BOC: variants seen among roughly 807,000 people sequenced by gnomAD.
The protein encoded by BOC is BOC cell adhesion associated, oncogene regulated.
BOC carries 76 observed loss-of-function variants against 112.0 expected under a neutral mutation model. The observed-to-expected ratio is 0.68, with a 90% CI of 0.56 to 0.82. The LOEUF is 0.82. BOC is among the 40% of genes least tolerant of loss of function. BOC has a pLI of 0.00. For missense variants in BOC, 1,309 were observed against 1,511.7 expected, an observed-to-expected ratio of 0.87 and a Z score of 2.22; for synonymous variants, 580 against 599.8, an observed-to-expected ratio of 0.97 and a Z score of 0.48.
intron 2 of BOC, among the ~76,000 whole-genome samples, chr3:113,231,010 G>A (rs1559813910): frequency 2.0e-5 from 3 of 152,166 alleles, no homozygotes; most frequent in Non-Finnish European, 4.4e-5. Flanking sequence ...TGGAATTAGG[G>A]GAAGTGTTCT....
At chr3:113,272,375 C>CA in intron 6 of BOC, 35 bp from the exon 7 acceptor site, 1 of 1,601,584 alleles carries the variant, frequency 6.2e-7, no homozygotes, top group Non-Finnish European at 8.5e-7. Context: ...TCCTGGTCCA[C>CA]ACGCCTTCTG....
chr3:113,253,983 A>C (rs1945935503), intron 4 of BOC, among the ~76,000 whole-genome samples: 1 of 152,198 alleles, frequency 6.6e-6, no homozygotes, highest in African/African-American at 2.4e-5. Context: ...TTGTTTGGGA[A>C]AGGGAGAGTT....
chr3:113,279,194 C>T lies in BOC; in HGVS notation c.1817-55C>T, dbSNP rs541757137. On this transcript the variant is annotated intron_variant, in intron 11 of 19. Transcript: ENST00000682979. The stretch of plus-strand genomic sequence containing the variant: ...ATACAGCGTCATCTCACCCTGCTTC[C>T]TTCCTCACGTCATCTCACCCTGCTT... 1.1e-5 allele frequency: 17 copies of T among 1,568,840 alleles called. No homozygotes were observed. The African/African-American group carries it at 2.0e-4, about 19-fold the overall frequency.
At chr3:113,275,343 C>T (rs1948550482) in intron 9 of BOC, among the ~76,000 whole-genome samples, 1 of 152,192 alleles carries the variant, frequency 6.6e-6, no homozygotes, top group South Asian at 2.1e-4. Flanking sequence ...GTCTCGGGCT[C>T]TGACAGGATG....
At chr3:113,232,073 A>G (rs1369799833) in intron 2 of BOC, among the ~76,000 whole-genome samples, 1 of 152,016 alleles carries the variant, frequency 6.6e-6, no homozygotes, top group Non-Finnish European at 1.5e-5. Flanking sequence ...CAACTGGTGG[A>G]GCCTAAGAGC....
At chr3:113,254,806 C>T (rs1247816456) in intron 4 of BOC, among the ~76,000 whole-genome samples, 1 of 152,194 alleles carries the variant, frequency 6.6e-6, no homozygotes, top group Non-Finnish European at 1.5e-5. Context: ...GGTCATGGGG[C>T]TTAGGACCAG....
Position 113,249,716 on chromosome 3 carries a change from C to T in BOC, c.-81-6C>T. On this transcript the variant is annotated splice_polypyrimidine_tract_variant and splice_region_variant and intron_variant, in intron 2 of 19. Coordinates refer to ENST00000682979, the MANE Select transcript of BOC (RefSeq NM_001378074.1). ...GCCATTGCTCTCCCTTTCTCTCTTA[C>T]AACAGAGTGTTGCCAGGGACGGCAG... 2 of 1,139,640 alleles carry T rather than the reference C, an allele frequency of 1.8e-6. No homozygotes were observed. The highest frequency in any genetic ancestry group is 2.3e-5 in the Admixed American group (1 of 43,008). The allele number at this position is 1,139,640 out of a possible 1,614,324, so 70.6% of individuals were successfully genotyped here.
chr3:113,281,289 G>C lies in BOC; in HGVS notation c.2434+136G>C, dbSNP rs919458404. On this transcript the variant is annotated intron_variant, in intron 15 of 19. Coordinates refer to ENST00000682979, the MANE Select transcript of BOC (RefSeq NM_001378074.1). ...TGTTTTCCAAATACCCTCAGACTTGGTCATGTTTCACTCTCTACTCATTTG... is the reference window on the plus strand; with the variant it reads ...TGTTTTCCAAATACCCTCAGACTTGCTCATGTTTCACTCTCTACTCATTTG... The C allele has an allele frequency of 1.4e-5, 15 of 1,093,556 alleles. No homozygotes were observed. In the African/African-American group the frequency reaches 2.4e-4, roughly 17 times the overall value. The allele number at this position is 1,093,556 out of a possible 1,614,324, so 67.7% of individuals were successfully genotyped here.
intron 2 of BOC, among the ~76,000 whole-genome samples, chr3:113,232,037 G>A (rs987131014): frequency 2.0e-5 from 3 of 152,172 alleles, no homozygotes; most frequent in African/African-American, 7.2e-5. Context: ...GGGAATGGCA[G>A]AACCTCAGCA....
At chr3:113,225,415 C>T (rs1391810906) in intron 2 of BOC, among the ~76,000 whole-genome samples, 3 of 152,204 alleles carry the variant, frequency 2.0e-5, no homozygotes, top group African/African-American at 4.8e-5. Flanking sequence ...TCACAGCACA[C>T]GTCAGAAAGT....
At chr3:113,215,643 C>G (rs74976585) in intron 1 of BOC, among the ~76,000 whole-genome samples, 2,904 of 152,328 alleles carry the variant, frequency 0.019, 93 homozygotes, top group African/African-American at 0.066. Flanking sequence ...CACCCATTCT[C>G]CATGAGTCCT....
chr3:113,241,532 C>G (rs1213783145), intron 2 of BOC, among the ~76,000 whole-genome samples: 2 of 152,082 alleles, frequency 1.3e-5, no homozygotes, highest in African/African-American at 4.8e-5. Flanking sequence ...GCCCCAACCT[C>G]TCTAGATTAG....
intron 2 of BOC, among the ~76,000 whole-genome samples, chr3:113,220,206 G>C (rs1317379113): frequency 6.6e-6 from 1 of 152,200 alleles, no homozygotes; most frequent in African/African-American, 2.4e-5. Flanking sequence ...GAATTCGACA[G>C]GCAGTTACCT....
chr3:113,269,787 A>C (rs1576466998), intron 5 of BOC: 1 of 152,216 alleles, frequency 6.6e-6, no homozygotes, highest in South Asian at 2.1e-4. Context: ...CTGTCCCACC[A>C]GGGCCAAGGG....
At chr3:113,262,669 TC>T (rs1273490301) in intron 4 of BOC, among the ~76,000 whole-genome samples, 6 of 152,222 alleles carry the variant, frequency 3.9e-5, no homozygotes, top group Non-Finnish European at 8.8e-5. Context: ...GCCTTCTGTT[TC>T]TGTAGTTGTC....
intron 15 of BOC, 102 bp downstream of exon 15, chr3:113,281,255 A>G: frequency 7.1e-7 from 1 of 1,403,968 alleles, no homozygotes; most frequent in Non-Finnish European, 9.6e-7. Flanking sequence ...CTTTCCCAGG[A>G]AGACTCTTTG....
At chr3:113,277,938 G>A (rs961588687) in intron 9 of BOC, among the ~76,000 whole-genome samples, 157 bp from the exon 10 acceptor site, 1 of 152,230 alleles carries the variant, frequency 6.6e-6, no homozygotes, top group African/African-American at 2.4e-5. Context: ...ATAGCCAGGG[G>A]GGCCAGTCCG....
At chr3:113,260,331 G>A (rs16860739) in intron 4 of BOC, among the ~76,000 whole-genome samples, 6,365 of 152,248 alleles carry the variant, frequency 0.042, 147 homozygotes, top group African/African-American at 0.054. Context: ...GGATAAAGCA[G>A]GGACTCAGGA....
chr3:113,270,967 G>A, intron 6 of BOC, 23 bp downstream of exon 6: 1 of 1,613,810 alleles, frequency 6.2e-7, no homozygotes, highest in Non-Finnish European at 8.5e-7. Flanking sequence ...CCCACCTGCT[G>A]GGGGATGGGG....
Sources: gnomAD v4.1 joint callset for allele counts (sites outside exome capture counted in the v4.1 genomes callset) on GRCh38, gnomAD v4.1.1 for gene constraint, MANE v1.5 for transcripts, NCBI Gene and HGNC (gene_info 2026-07-23, HGNC 2026-07-21) for gene names.